GALNT14: variants seen among roughly 807,000 people sequenced by gnomAD.
GALNT14 encodes UDP-GalNAc:polypeptide N-acetylgalactosaminyltransferase 14.
GALNT14 carries 60 observed loss-of-function variants against 77.5 expected under a neutral mutation model. That is an observed-to-expected ratio of 0.77 (90% CI 0.63 to 0.96). The LOEUF (loss-of-function observed/expected upper bound fraction) is 0.96, where lower values mean the gene tolerates loss of function less well. GALNT14 is among the 40% of genes least tolerant of loss of function. The probability of loss-of-function intolerance (pLI) is 0.00; values close to 1 mark genes in which losing one functional copy is unlikely to be tolerated. For synonymous variants in GALNT14, 280 were observed against 281.7 expected (o/e 0.99, Z 0.06); for missense variants, 710 against 731.0 (o/e 0.97, Z 0.33).
chr2:31,128,967 GAAA>G (rs531891870), intron 1 of GALNT14, among the ~76,000 whole-genome samples: 2 of 105,410 alleles, frequency 1.9e-5, no homozygotes, highest in African/African-American at 5.1e-5. Context: ...AAATAAAATT[GAAA>G]AAAAAAAAAA....
At chr2:30,900,798 A>G in the GALNT14 span, among the ~76,000 whole-genome samples, 2 of 152,240 alleles carry the variant, frequency 1.3e-5, no homozygotes, top group Non-Finnish European at 2.9e-5. Flanking sequence ...AGCCAGATGC[A>G]TATCGACGGG....
intron 1 of GALNT14, among the ~76,000 whole-genome samples, chr2:31,076,598 TA>T (rs1675804775): frequency 6.8e-6 from 1 of 148,092 alleles, no homozygotes; most frequent in Admixed American, 6.9e-5. Flanking sequence ...GAGCACTAGA[TA>T]GGGGTGTGTA....
chr2:30,932,201 G>A lies in GALNT14; in HGVS notation c.932-7C>T, dbSNP rs775083709. The A allele has an allele frequency of 6.7e-7, 1 of 1,489,662 alleles. No individual in the cohort carries two copies. Among genetic ancestry groups the A allele is most frequent in the Non-Finnish European group, 9.0e-7 (1 of 1,116,710 alleles). The allele number at this position is 1,489,662 out of a possible 1,614,324, so 92.3% of individuals were successfully genotyped here. On this transcript the variant is annotated splice_region_variant and splice_polypyrimidine_tract_variant and intron_variant, in intron 9 of 14. Coordinates refer to ENST00000349752, the MANE Select transcript of GALNT14 (RefSeq NM_024572.4). ...CACACTCGGAAGGAGATTTCTGCAAGACAGTCACGCCCCTCCTATGACCTC... is the reference window on the plus strand; with the variant it reads ...CACACTCGGAAGGAGATTTCTGCAAAACAGTCACGCCCCTCCTATGACCTC...
chr2:31,062,939 G>A (rs139868112), intron 1 of GALNT14, among the ~76,000 whole-genome samples: 24 of 152,158 alleles, frequency 1.6e-4, no homozygotes, highest in African/African-American at 4.3e-4. Context: ...ATTTGCTTAC[G>A]TTCCTTGTAG....
intron 9 of GALNT14, among the ~76,000 whole-genome samples, chr2:30,941,229 T>C (rs140798402): frequency 6.6e-6 from 1 of 152,162 alleles, no homozygotes; most frequent in African/African-American, 2.4e-5. Context: ...TCCCTTTTAC[T>C]CTACTGTGAT....
intron 1 of GALNT14, among the ~76,000 whole-genome samples, chr2:31,000,435 CTGTG>C (rs3223043): frequency 0.036 from 5,265 of 146,020 alleles, 190 homozygotes; most frequent in African/African-American, 0.09. Context: ...ATATCACCAA[CTGTG>C]TGTGTGTGTG....
intron 2 of GALNT14, among the ~76,000 whole-genome samples, chr2:30,980,667 AC>A (rs1395684781): frequency 6.6e-6 from 1 of 152,236 alleles, no homozygotes; most frequent in Non-Finnish European, 1.5e-5. Context: ...CACTCAGTCA[AC>A]CAGTTACGTT....
intron 1 of GALNT14, among the ~76,000 whole-genome samples, chr2:31,032,288 C>T (rs541925259): frequency 1.3e-5 from 2 of 152,286 alleles, no homozygotes; most frequent in Admixed American, 1.3e-4. Context: ...GCTCAAGATA[C>T]CGCCCAGCCA....
At chr2:30,932,668 T>A (rs1203631385) in intron 9 of GALNT14, among the ~76,000 whole-genome samples, 1 of 152,114 alleles carries the variant, frequency 6.6e-6, no homozygotes, top group Non-Finnish European at 1.5e-5. Context: ...AGGGACAAGG[T>A]GACCATTGTG....
intron 1 of GALNT14, among the ~76,000 whole-genome samples, chr2:31,012,378 C>A (rs1272286489): frequency 6.6e-6 from 1 of 152,188 alleles, no homozygotes; most frequent in Non-Finnish European, 1.5e-5. Context: ...CTTCTTATGG[C>A]AGCACCTATA....
At chr2:30,980,520 G>C (rs1223202399) in intron 2 of GALNT14, among the ~76,000 whole-genome samples, 2 of 152,194 alleles carry the variant, frequency 1.3e-5, no homozygotes, top group African/African-American at 2.4e-5. Context: ...ACCTCACCCT[G>C]AGGACCATTA....
At chr2:31,028,873 C>G (rs1234679930) in intron 1 of GALNT14, among the ~76,000 whole-genome samples, 1 of 152,100 alleles carries the variant, frequency 6.6e-6, no homozygotes, top group South Asian at 2.1e-4. Flanking sequence ...AGGACGGCTC[C>G]CATGCTAAGC....
intron 1 of GALNT14, 59 bp downstream of exon 1, chr2:31,137,899 G>T: frequency 1.3e-6 from 2 of 1,552,264 alleles, no homozygotes; most frequent in African/African-American, 1.4e-5. Context: ...CCCGGCACGC[G>T]GGCTGCGCGC....
At chr2:31,043,696 T>A (rs930241898) in intron 1 of GALNT14, among the ~76,000 whole-genome samples, 2 of 152,150 alleles carry the variant, frequency 1.3e-5, no homozygotes, top group African/African-American at 4.8e-5. Context: ...ATTATTTAAT[T>A]CATTCAACAA....
At chr2:30,894,697 C>T in the GALNT14 span, among the ~76,000 whole-genome samples, 1 of 152,230 alleles carries the variant, frequency 6.6e-6, no homozygotes, top group Non-Finnish European at 1.5e-5. Flanking sequence ...GTGGCCAGCT[C>T]TGGTTGGCTA....
chr2:31,062,177 T>C (rs929593892), intron 1 of GALNT14, among the ~76,000 whole-genome samples: 1 of 152,206 alleles, frequency 6.6e-6, no homozygotes, highest in African/African-American at 2.4e-5. Context: ...AAGCACCGCA[T>C]GCATTAGGTA....
chr2:30,941,134 T>C (rs966722786), intron 9 of GALNT14, among the ~76,000 whole-genome samples: 1 of 152,258 alleles, frequency 6.6e-6, no homozygotes, highest in African/African-American at 2.4e-5. Flanking sequence ...GATCATTCTC[T>C]TGGCCTGAGC....
chr2:30,972,268 C>T (rs544755764), intron 2 of GALNT14, among the ~76,000 whole-genome samples: 100 of 152,290 alleles, frequency 6.6e-4, no homozygotes, highest in African/African-American at 2.3e-3. Flanking sequence ...CTCTGGCATC[C>T]CAGACGGGAG....
chr2:31,005,163 A>C (rs896365972), intron 1 of GALNT14, among the ~76,000 whole-genome samples: 1 of 152,268 alleles, frequency 6.6e-6, no homozygotes, highest in African/African-American at 2.4e-5. Flanking sequence ...AAGTGATCAT[A>C]GTAAACATTA....
Sources: allele counts gnomAD v4.1 joint callset (sites outside exome capture counted in the v4.1 genomes callset), GRCh38; gene constraint gnomAD v4.1.1; transcripts MANE v1.5; gene names NCBI Gene and HGNC (gene_info 2026-07-23, HGNC 2026-07-21).